The following CADM1 variants were observed in gnomAD, a reference collection of about 807,000 sequenced individuals.
CADM1 encodes the protein cell adhesion molecule 1.
A neutral mutation model predicts 53.1 loss-of-function variants in CADM1; 15 were observed. The ratio of observed to expected loss-of-function variants is 0.28; its 90% CI spans 0.19 to 0.44. CADM1 has a LOEUF of 0.44. Ranked by LOEUF, CADM1 falls within the 20% of genes least tolerant of loss-of-function variation. The probability of loss-of-function intolerance (pLI) is 1.00; values close to 1 mark genes in which losing one functional copy is unlikely to be tolerated. For missense variants in CADM1, 434 were observed against 611.3 expected, an observed-to-expected ratio of 0.71 and a Z score of 3.06; for synonymous variants, 281 against 243.0, an observed-to-expected ratio of 1.16 and a Z score of -1.45.
chr11:115,288,920 G>A (rs1943802179), intron 1 of CADM1, among the ~76,000 whole-genome samples: 1 of 152,094 alleles, frequency 6.6e-6, no homozygotes, highest in South Asian at 2.1e-4. Flanking sequence ...CTCAGAGGGA[G>A]CCTCAATTTC....
chr11:115,216,581 A>G (rs948988942), intron 6 of CADM1, among the ~76,000 whole-genome samples: 1 of 152,220 alleles, frequency 6.6e-6, no homozygotes, highest in Non-Finnish European at 1.5e-5. Flanking sequence ...TGCTCAAACG[A>G]GAAAAAGATC....
chr11:115,287,324 T>A (rs911406126), intron 1 of CADM1: 2 of 152,154 alleles, frequency 1.3e-5, no homozygotes, highest in South Asian at 2.1e-4. Context: ...TTGAAAGGTA[T>A]GATGGACGGA....
At chr11:115,474,551 A>G (rs1949086849) in intron 1 of CADM1, among the ~76,000 whole-genome samples, 1 of 151,798 alleles carries the variant, frequency 6.6e-6, no homozygotes, top group African/African-American at 2.4e-5. Flanking sequence ...CTTTATAGGG[A>G]CATGAATGAA....
chr11:115,446,055 T>C (rs766114411), intron 1 of CADM1, among the ~76,000 whole-genome samples: 3 of 152,218 alleles, frequency 2.0e-5, no homozygotes, highest in African/African-American at 4.8e-5. Context: ...TATCTAGTAC[T>C]ACCAGTAATT....
At chr11:115,455,256 C>T (rs1371452782) in intron 1 of CADM1, among the ~76,000 whole-genome samples, 1 of 151,980 alleles carries the variant, frequency 6.6e-6, no homozygotes, top group East Asian at 1.9e-4. Flanking sequence ...ATAAAAGATG[C>T]TTTAAAAATC....
At chr11:115,310,489 G>A (rs143409215) in intron 1 of CADM1, among the ~76,000 whole-genome samples, 3 of 152,204 alleles carry the variant, frequency 2.0e-5, no homozygotes, top group Non-Finnish European at 4.4e-5. Context: ...TAGTTCCCAT[G>A]TATGTATGGG....
At chr11:115,232,900 A>G (rs922683898) in intron 3 of CADM1, among the ~76,000 whole-genome samples, 1 of 152,234 alleles carries the variant, frequency 6.6e-6, no homozygotes, top group African/African-American at 2.4e-5. Flanking sequence ...TTAAATATGT[A>G]TAAACATGCC....
intron 9 of CADM1, among the ~76,000 whole-genome samples, chr11:115,192,459 T>G (rs1262135489): frequency 6.6e-6 from 1 of 152,254 alleles, no homozygotes; most frequent in Non-Finnish European, 1.5e-5. Context: ...ATCTGATTGG[T>G]TGACAATATT....
chr11:115,490,658 A>G (rs1949475032), intron 1 of CADM1, among the ~76,000 whole-genome samples: 1 of 152,152 alleles, frequency 6.6e-6, no homozygotes, highest in South Asian at 2.1e-4. Flanking sequence ...TGGGCCTCCC[A>G]AAGTGCTGGG....
chr11:115,398,122 C>G (rs962470487), intron 1 of CADM1, among the ~76,000 whole-genome samples: 2 of 152,148 alleles, frequency 1.3e-5, no homozygotes, highest in Non-Finnish European at 2.9e-5. Context: ...TTCCTTAATC[C>G]CCTCTTCCGT....
intron 11 of CADM1, 152 bp from the exon 12 acceptor site, chr11:115,176,744 G>T (rs1218623897): frequency 2.7e-6 from 2 of 734,704 alleles, no homozygotes; most frequent in Admixed American, 3.7e-5. Flanking sequence ...AGCGGGGTGG[G>T]TGAGACAAAG....
chr11:115,276,787 C>T (rs541063598), intron 1 of CADM1, among the ~76,000 whole-genome samples: 1 of 152,222 alleles, frequency 6.6e-6, no homozygotes, highest in South Asian at 2.1e-4. Context: ...TACAAATAAG[C>T]TGTTTCTACC....
At chr11:115,359,887 C>T (rs1945982772) in intron 1 of CADM1, among the ~76,000 whole-genome samples, 1 of 152,210 alleles carries the variant, frequency 6.6e-6, no homozygotes, top group Non-Finnish European at 1.5e-5. Context: ...ATTACACAAG[C>T]TTCACCCAGT....
chr11:115,369,645 T>TA, intron 1 of CADM1, among the ~76,000 whole-genome samples: 1 of 152,290 alleles, frequency 6.6e-6, no homozygotes, highest in South Asian at 2.1e-4. Context: ...GGAATCTCTG[T>TA]AACAAAATAA....
intron 1 of CADM1, among the ~76,000 whole-genome samples, chr11:115,498,825 G>C (rs1565456822): frequency 2.0e-5 from 3 of 152,110 alleles, no homozygotes. Flanking sequence ...AAGAGGGGCT[G>C]TATCTTAGAA....
At chr11:115,363,140 T>C (rs1237340396) in intron 1 of CADM1, among the ~76,000 whole-genome samples, 1 of 152,206 alleles carries the variant, frequency 6.6e-6, no homozygotes, top group African/African-American at 2.4e-5. Flanking sequence ...CTCTTGTCAC[T>C]ATACTCAAAG....
At chr11:115,307,851 A>G (rs1944419234) in intron 1 of CADM1, among the ~76,000 whole-genome samples, 1 of 151,786 alleles carries the variant, frequency 6.6e-6, no homozygotes, top group African/African-American at 2.4e-5. Flanking sequence ...TTCTATGACA[A>G]TCAATGTGTC....
intron 1 of CADM1, among the ~76,000 whole-genome samples, chr11:115,501,884 T>G (rs1949734491): frequency 6.6e-6 from 1 of 151,962 alleles, no homozygotes; most frequent in African/African-American, 2.4e-5. Context: ...AGCCAAGACC[T>G]CCTCTCAAAC....
At chr11:115,210,132 T>A (rs1940891264) in intron 7 of CADM1, among the ~76,000 whole-genome samples, 2 of 152,218 alleles carry the variant, frequency 1.3e-5, no homozygotes. Context: ...GTTAACTTCA[T>A]TATTCTCCAT....
Sources: allele counts gnomAD v4.1 joint callset (sites outside exome capture counted in the v4.1 genomes callset), GRCh38; gene constraint gnomAD v4.1.1; transcripts MANE v1.5; gene names NCBI Gene and HGNC (gene_info 2026-07-23, HGNC 2026-07-21).